GOLGA1: variants seen among roughly 807,000 people sequenced by gnomAD.
GOLGA1 encodes golgin subfamily A member 1.
In GOLGA1, 63 loss-of-function variants were observed where a neutral mutation model predicts 119.7. The ratio of observed to expected loss-of-function variants is 0.53; its 90% CI spans 0.43 to 0.65. GOLGA1 has a LOEUF of 0.65. Ranked by LOEUF, GOLGA1 falls within the 30% of genes least tolerant of loss-of-function variation. The probability of loss-of-function intolerance (pLI) is 0.00; values close to 1 mark genes in which losing one functional copy is unlikely to be tolerated. For missense variants in GOLGA1, 798 were observed against 912.8 expected (o/e 0.87, Z 1.62); for synonymous variants, 318 against 333.4 (o/e 0.95, Z 0.50).
At chr9:124,903,216 G>A (rs573552690) in intron 12 of GOLGA1, among the ~76,000 whole-genome samples, 2 of 152,272 alleles carry the variant, frequency 1.3e-5, no homozygotes, top group East Asian at 1.9e-4. Flanking sequence ...GGTTGGGTGC[G>A]GTGGCTTATG....
At chr9:124,891,061 C>T (rs768213357) in intron 15 of GOLGA1, among the ~76,000 whole-genome samples, 1 of 152,088 alleles carries the variant, frequency 6.6e-6, no homozygotes, top group African/African-American at 2.4e-5. Flanking sequence ...GAGGCCGAGG[C>T]GAGAGGATTG....
At chr9:124,910,837 G>A (rs1309448615) in intron 11 of GOLGA1, among the ~76,000 whole-genome samples, 1 of 152,166 alleles carries the variant, frequency 6.6e-6, no homozygotes. Context: ...AGAATCTAGG[G>A]ACGATGATGA....
At chr9:124,883,540 T>C (rs1243688067) in intron 19 of GOLGA1, among the ~76,000 whole-genome samples, 1 of 152,166 alleles carries the variant, frequency 6.6e-6, no homozygotes, top group Non-Finnish European at 1.5e-5. Flanking sequence ...CTCTGCCTTC[T>C]GGGTTCAAGT....
intron 12 of GOLGA1, among the ~76,000 whole-genome samples, chr9:124,906,999 A>AT (rs1388451013): frequency 3.3e-5 from 5 of 152,194 alleles, no homozygotes; most frequent in African/African-American, 1.2e-4. Flanking sequence ...TTCAAGTTGA[A>AT]TTTTTTAGTA....
In GOLGA1 at chr9:124,921,149, G is replaced by A; in HGVS notation, c.823C>T (p.Leu275Phe). 1 of 1,602,478 alleles carries A rather than the reference G, an allele frequency of 6.2e-7. No individual in the cohort carries two copies. The change falls in exon 10 of 23, where the codon CTT (leucine) becomes TTT (phenylalanine). Residue 275 changes from leucine (L) to phenylalanine (F), a missense_variant. Leu to Phe is a conservative substitution (Grantham distance 22). Coordinates refer to ENST00000373555, the MANE Select transcript of GOLGA1 (RefSeq NM_002077.4). ...CTTACCTTTTGCAAATCAATGGAAA[G>A]CTGCTGAATGAGTGCTTGGAGCTCT... ...EQELQALIQQ[L>F]SIDLQKVTAE...
At chr9:124,890,544 AG>A (rs1438369117) in intron 15 of GOLGA1, 66 bp from the exon 16 acceptor site, 1 of 1,188,962 alleles carries the variant, frequency 8.4e-7, no homozygotes, top group East Asian at 2.3e-5. Flanking sequence ...ATGCCACGCA[AG>A]AAGCCCAGCA....
In GOLGA1 at chr9:124,888,229, C is replaced by G; in HGVS notation, c.1905+24G>C. 1 of 1,610,728 alleles carries G rather than the reference C, an allele frequency of 6.2e-7. No homozygotes were observed. Among genetic ancestry groups the G allele is most frequent in the Non-Finnish European group, 8.5e-7 (1 of 1,176,984 alleles). On this transcript the variant is annotated intron_variant, in intron 19 of 22. Transcript: ENST00000373555. This position sits in a 1 kb window ranked among gnomAD's most constrained non-coding sequence, Gnocchi z 4.4. Reference sequence around the variant, plus strand: ...GGTGAGGACCTGGTGGAGACAGAAACAGCCATGCAAAAGGCATCCTCACCT... The same window carrying G: ...GGTGAGGACCTGGTGGAGACAGAAAGAGCCATGCAAAAGGCATCCTCACCT...
rs777169563 is a variant in GOLGA1 at position 124,883,292 on chromosome 9, C to CT, written c.1906-724dup. Among the ~76,000 whole-genome samples, 14 of 141,044 alleles carry CT rather than the reference C, an allele frequency of 9.9e-5. No homozygotes were observed. In the East Asian group the frequency reaches 1.3e-3, roughly 13 times the overall value. 92.5% of individuals were successfully genotyped at this position (141,044 alleles called of 152,430 possible). A position where few individuals can be genotyped will look rare whatever the true frequency, so the allele number is the denominator to read the frequency against. ...TTGTCTTTTTCTTCTTCTTCTCCTT[C>CT]TTTTTTTTTTAAGATGGAGTTTCAC... On this transcript the variant is annotated intron_variant, in intron 19 of 22. Transcript: ENST00000373555.
chr9:124,928,724 T>A (rs1325545612), intron 5 of GOLGA1, among the ~76,000 whole-genome samples: 5 of 152,152 alleles, frequency 3.3e-5, no homozygotes, highest in Non-Finnish European at 7.4e-5. Flanking sequence ...TTAGTACATA[T>A]CAACAAAAAA....
intron 18 of GOLGA1, 56 bp downstream of exon 18, chr9:124,889,087 T>C (rs369297018): frequency 1.4e-6 from 2 of 1,440,840 alleles, no homozygotes; most frequent in East Asian, 4.6e-5. Flanking sequence ...AGGGGCACTC[T>C]CGGCACCTGC....
chr9:124,899,678 G>A (rs1170766186), intron 13 of GOLGA1, among the ~76,000 whole-genome samples, 200 bp from the exon 14 acceptor site: 3 of 152,186 alleles, frequency 2.0e-5, no homozygotes, highest in Admixed American at 6.5e-5. Flanking sequence ...ATGGAGTCTT[G>A]ATGTCATCAC....
chr9:124,916,101 C>CTAAATAAATAAA (rs5900631), intron 10 of GOLGA1, among the ~76,000 whole-genome samples: 2,445 of 144,286 alleles, frequency 0.017, 67 homozygotes, highest in East Asian at 0.11. Flanking sequence ...GACTGTATCT[C>CTAAATAAATAAA]TAAATAAATA....
intron 19 of GOLGA1, among the ~76,000 whole-genome samples, chr9:124,887,108 C>T (rs964257144): frequency 6.6e-6 from 1 of 152,052 alleles, no homozygotes; most frequent in Non-Finnish European, 1.5e-5. Flanking sequence ...CCGCAGGTGT[C>T]GGGAAGGCAG....
intron 10 of GOLGA1, among the ~76,000 whole-genome samples, chr9:124,917,158 A>T (rs1346788175): frequency 1.3e-5 from 2 of 152,118 alleles, no homozygotes; most frequent in Admixed American, 1.3e-4. Flanking sequence ...AAAGTAGACA[A>T]TGAAGCAATC....
chr9:124,931,386 G>A lies in GOLGA1; in HGVS notation c.156C>T (p.Ser52=). ...GAAGCTGGGATGAAAGATCTTCTCT[G>A]GAGCTGCTTCCATCGGAAGCCTGTT... ...GDDFASDGSS[S]REDLSSQLLR... Residue 52 remains serine, a synonymous_variant, in exon 4 of 23, where the codon TCC becomes TCT. Transcript: ENST00000373555. 1 of 1,589,780 alleles carries A rather than the reference G, an allele frequency of 6.3e-7. No individual in the cohort carries two copies. The highest frequency in any genetic ancestry group is 8.6e-7 in the Non-Finnish European group (1 of 1,157,984).
chr9:124,922,227 CA>C (rs1023259026), intron 8 of GOLGA1, among the ~76,000 whole-genome samples: 441 of 124,206 alleles, frequency 3.6e-3, no homozygotes, highest in Admixed American at 6.4e-3. Context: ...GGCTCCATCT[CA>C]AAAAAAAAAA....
intron 13 of GOLGA1, chr9:124,900,229 G>A: frequency 5.1e-6 from 2 of 394,748 alleles, no homozygotes; most frequent in South Asian, 7.6e-5. Context: ...GATGTAAGGT[G>A]GAAAGGAGCT....
chr9:124,917,846 GATATAT>G (rs1490310197), intron 10 of GOLGA1, among the ~76,000 whole-genome samples: 1 of 150,388 alleles, frequency 6.6e-6, no homozygotes, highest in Admixed American at 6.6e-5. Flanking sequence ...GATCTGATCT[GATATAT>G]ATATATATTT....
chr9:124,927,902 T>G (rs1038074557), intron 6 of GOLGA1, among the ~76,000 whole-genome samples: 2 of 152,198 alleles, frequency 1.3e-5, no homozygotes, highest in Non-Finnish European at 2.9e-5. Context: ...TTTTCTCTTA[T>G]TTTGGGGCCT....
Sources: allele counts gnomAD v4.1 joint callset (sites outside exome capture counted in the v4.1 genomes callset), GRCh38; gene constraint gnomAD v4.1.1; non-coding constraint Gnocchi (gnomAD v3.1); transcripts MANE v1.5; gene names NCBI Gene and HGNC (gene_info 2026-07-23, HGNC 2026-07-21).